CHST6: variants seen among roughly 807,000 people sequenced by gnomAD.
CHST6 encodes the protein carbohydrate sulfotransferase 6.
For synonymous variants in CHST6, 309 were observed against 276.4 expected (o/e 1.12, Z -1.17); for missense variants, 698 against 586.2 (o/e 1.19, Z -1.97).
chr16:75,486,123 C>T (rs1432229487), intron 1 of CHST6, among the ~76,000 whole-genome samples: 1 of 152,224 alleles, frequency 6.6e-6, no homozygotes, highest in Non-Finnish European at 1.5e-5. Context: ...GAGTGCGCAG[C>T]CCTGACTCCC....
In CHST6 at chr16:75,472,999, AG is replaced by A. The variant is rs151306664; in HGVS notation, c.*5641del. 0.057 allele frequency: 8,684 copies of A among 152,172 alleles called. 551 individuals carry two copies. Among genetic ancestry groups the A allele is most frequent in the African/African-American group, 0.15 (6,285 of 41,476 alleles). 9.4% of individuals were successfully genotyped at this position (152,172 alleles called of 1,614,324 possible). A position where few individuals can be genotyped will look rare whatever the true frequency, so the allele number is the denominator to read the frequency against. The stretch of plus-strand genomic sequence containing the variant: ...ACAGGTAAGGGGAGACACTAATTAC[AG>A]CCCTACCAGCAGGGAGGGAGCCTGG... On this transcript the variant is annotated 3_prime_UTR_variant, in exon 3 of 3. Coordinates refer to ENST00000332272, the MANE Select transcript of CHST6 (RefSeq NM_021615.5).
chr16:75,479,964 T>G, intron 2 of CHST6, 120 bp from the exon 3 acceptor site: 10 of 811,090 alleles, frequency 1.2e-5, no homozygotes, highest in Non-Finnish European at 1.9e-5. Context: ...ATGAACATGA[T>G]GGTCTCAGTG....
intron 1 of CHST6, chr16:75,490,784 C>A (rs2080244897): frequency 6.6e-6 from 1 of 151,934 alleles, no homozygotes; most frequent in South Asian, 2.1e-4. Flanking sequence ...ACATACAAGC[C>A]CACATGAAAA....
At chr16:75,485,859 G>A (rs1035151591) in intron 1 of CHST6, among the ~76,000 whole-genome samples, 3 of 152,116 alleles carry the variant, frequency 2.0e-5, no homozygotes, top group Non-Finnish European at 2.9e-5. Context: ...ATCCAGCCGC[G>A]GGAGGGTCAT....
Position 75,479,341 on chromosome 16 carries a change from T to A in CHST6, c.488A>T (p.Glu163Val), listed in dbSNP as rs1175678914. Residue 163 changes from glutamate (E) to valine (V), a missense_variant, in exon 3 of 3, where the codon GAG becomes GTG. Glu to Val is a moderately radical substitution (Grantham distance 121). Transcript: ENST00000332272. ...CARQSFTLAR[E>V]ACRSYSHVVL... ...CACGTGGCTGTAGGAGCGGCAGGCC[T>A]CCCGGGCCAGGGTGAAGGACTGCCG... is the stretch of plus-strand genomic sequence containing the variant. The A allele has an allele frequency of 2.5e-6, 4 of 1,612,608 alleles. No individual in the cohort carries two copies. In the African/African-American group the frequency reaches 4.0e-5, roughly 16 times the overall value.
intron 1 of CHST6, among the ~76,000 whole-genome samples, chr16:75,491,190 A>AAAAAAAAAATATAT (rs1206595857): frequency 2.4e-4 from 12 of 50,078 alleles, no homozygotes; most frequent in Admixed American, 7.3e-4. Context: ...AAAAAAAAAA[A>AAAAAAAAAATATAT]ATATATATAT....
chr16:75,491,190 A>AATATATATATATATATAT (rs1555501738), intron 1 of CHST6, among the ~76,000 whole-genome samples: 18 of 50,074 alleles, frequency 3.6e-4, no homozygotes, highest in African/African-American at 8.8e-4. Context: ...AAAAAAAAAA[A>AATATATATATATATATAT]ATATATATAT....
Position 75,478,577 on chromosome 16 carries a change from C to T in CHST6, c.*64G>A. The T allele has an allele frequency of 1.3e-6, 2 of 1,552,952 alleles. No individual in the cohort carries two copies. The highest frequency in any genetic ancestry group is 1.8e-6 in the Non-Finnish European group (2 of 1,125,470). On this transcript the variant is annotated 3_prime_UTR_variant, in exon 3 of 3. Coordinates refer to ENST00000332272, the MANE Select transcript of CHST6 (RefSeq NM_021615.5). ...ATAGGGACCTGCTTCTCCGTGCGCC[C>T]CAGCCCCCTCTGCACCATGCACTCT...
chr16:75,492,064 G>C (rs551505667), intron 1 of CHST6, among the ~76,000 whole-genome samples: 1 of 152,328 alleles, frequency 6.6e-6, no homozygotes, highest in South Asian at 2.1e-4. Context: ...CAGGGGGCTG[G>C]GACTGCAAGG....
chr16:75,479,701 A>T lies in CHST6; in HGVS notation c.128T>A (p.Val43Glu). The part of the protein sequence containing the change: ...SPAGGEARVH[V>E]LVLSSWRSGS... ...CGAGCGCCACGAGGACAGCACCAGC[A>T]CATGCACGCGCGCCTCGCCGCCTGC... The change falls in exon 3 of 3, where the codon GTG (valine) becomes GAG (glutamate). Residue 43 changes from valine to glutamate, a missense_variant. Transcript: ENST00000332272. 1.9e-6 allele frequency: 3 copies of T among 1,611,528 alleles called. No homozygotes were observed. In the African/African-American group the frequency reaches 4.0e-5, roughly 21 times the overall value.
chr16:75,479,459 C>G lies in CHST6; in HGVS notation c.370G>C (p.Ala124Pro), dbSNP rs752350643. Residue 124 changes from alanine to proline, a missense_variant, in exon 3 of 3, where the codon GCC becomes CCC. Physicochemically the swap from Ala to Pro is conservative, Grantham distance 27. Transcript: ENST00000332272. The stretch of plus-strand genomic sequence containing the variant: ...GGCGAGCACAGTGCACGGCTCACGG[C>G]CCACTGGAAGAGGTCGGACAGGTTG... ...RRNLSDLFQW[A>P]VSRALCSPPA... The G allele has an allele frequency of 4.2e-5, 67 of 1,612,814 alleles. No individual in the cohort carries two copies. The highest frequency in any genetic ancestry group is 5.2e-5 in the Non-Finnish European group (61 of 1,179,886).
In CHST6 at chr16:75,474,750, T is replaced by C. The variant is rs1050595238; in HGVS notation, c.*3891A>G. 1 of 398,354 alleles carries C rather than the reference T, an allele frequency of 2.5e-6. No individual in the cohort carries two copies. Among genetic ancestry groups the C allele is most frequent in the Non-Finnish European group, 4.4e-6 (1 of 226,024 alleles). 24.7% of individuals were successfully genotyped at this position (398,354 alleles called of 1,614,324 possible). A position where few individuals can be genotyped will look rare whatever the true frequency, so the allele number is the denominator to read the frequency against. On this transcript the variant is annotated 3_prime_UTR_variant, in exon 3 of 3. Transcript: ENST00000332272. ...GAGAGAAAGACAAAGAATGAACTCCTTCATTTAAAAGGCACCACTCTCAGG... is the reference window on the plus strand; with the variant it reads ...GAGAGAAAGACAAAGAATGAACTCCCTCATTTAAAAGGCACCACTCTCAGG...
chr16:75,486,581 G>A (rs2080201033), intron 1 of CHST6, among the ~76,000 whole-genome samples: 1 of 152,216 alleles, frequency 6.6e-6, no homozygotes, highest in African/African-American at 2.4e-5. Context: ...TGCAATTCTG[G>A]AGTTTTGTTG....
At chr16:75,493,739 A>T (rs1457652374) in intron 1 of CHST6, among the ~76,000 whole-genome samples, 1 of 152,176 alleles carries the variant, frequency 6.6e-6, no homozygotes, top group African/African-American at 2.4e-5. Context: ...CAATGGCTCT[A>T]CCAGATTCAG....
chr16:75,490,135 T>G (rs2080239694), intron 1 of CHST6, among the ~76,000 whole-genome samples: 1 of 135,780 alleles, frequency 7.4e-6, no homozygotes, highest in Non-Finnish European at 1.5e-5. Context: ...GTTGTGCCAT[T>G]GCATTCTAGC....
intron 1 of CHST6, 43 bp downstream of exon 1, chr16:75,494,897 G>A (rs911116503): frequency 6.6e-6 from 1 of 152,350 alleles, no homozygotes; most frequent in Non-Finnish European, 1.5e-5. Flanking sequence ...CAGCCGACCC[G>A]AGTGTGGGGA....
rs1357757181 is a variant in CHST6 at position 75,476,464 on chromosome 16, T to C, written c.*2177A>G. 6.7e-6 allele frequency: 1 copy of C among 148,226 alleles called. No individual in the cohort carries two copies. Among genetic ancestry groups the C allele is most frequent in the Admixed American group, 6.8e-5 (1 of 14,604 alleles). The allele number at this position is 148,226 out of a possible 1,614,324, so 9.2% of individuals were successfully genotyped here. On this transcript the variant is annotated 3_prime_UTR_variant, in exon 3 of 3. Transcript: ENST00000332272. ...TCCTCAGGAGGCTGAGGCAGGAGAA[T>C]TGCTTGAACTCAGGAGGCAGAGAGA...
At chr16:75,481,622 A>G (rs1306191505) in intron 2 of CHST6, among the ~76,000 whole-genome samples, 195 bp downstream of exon 2, 1 of 152,200 alleles carries the variant, frequency 6.6e-6, no homozygotes, top group East Asian at 1.9e-4. Flanking sequence ...GCCAATAAAT[A>G]AAGTGGACAA....
At chr16:75,491,958 A>G (rs1416073405) in intron 1 of CHST6, among the ~76,000 whole-genome samples, 1 of 152,180 alleles carries the variant, frequency 6.6e-6, no homozygotes, top group Non-Finnish European at 1.5e-5. Flanking sequence ...GGGCTGGGCC[A>G]GGCTGTGGCT....
Sources: allele counts gnomAD v4.1 joint callset (sites outside exome capture counted in the v4.1 genomes callset), GRCh38; gene constraint gnomAD v4.1.1; transcripts MANE v1.5; gene names NCBI Gene and HGNC (gene_info 2026-07-23, HGNC 2026-07-21).